C12orf54: variants seen among roughly 807,000 people sequenced by gnomAD.
C12orf54 encodes chromosome 12 open reading frame 54.
C12orf54 carries 24 observed loss-of-function variants against 26.4 expected under a neutral mutation model. That is an observed-to-expected ratio of 0.91 (90% CI 0.66 to 1.28). C12orf54 has a LOEUF of 1.28. Among genes scored for constraint, C12orf54 ranks in the 50% most tolerant of loss-of-function variants. C12orf54 has a pLI of 0.00. For synonymous variants in C12orf54, 54 were observed against 47.0 expected, an observed-to-expected ratio of 1.15 and a Z score of -0.61; for missense variants, 154 against 150.9, an observed-to-expected ratio of 1.02 and a Z score of -0.11.
chr12:48,494,743 T>C, intron 7 of C12orf54, 55 bp from the exon 8 acceptor site: 1 of 1,567,956 alleles, frequency 6.4e-7, no homozygotes, highest in Non-Finnish European at 8.8e-7. Context: ...GGAAGGGAAC[T>C]GAAAGGGTAA....
chr12:48,489,303 G>A, intron 5 of C12orf54: 1 of 431,218 alleles, frequency 2.3e-6, no homozygotes, highest in Non-Finnish European at 4.5e-6. Context: ...AGGTGAGTAT[G>A]TCTGTTAACT....
the C12orf54 span, among the ~76,000 whole-genome samples, chr12:48,463,610 A>AT: frequency 1.3e-5 from 2 of 151,494 alleles, no homozygotes; most frequent in African/African-American, 2.4e-5. Context: ...AGGACACAGT[A>AT]TAAAAAAAAA....
chr12:48,469,648 A>G, the C12orf54 span, among the ~76,000 whole-genome samples: 1 of 152,232 alleles, frequency 6.6e-6, no homozygotes, highest in African/African-American at 2.4e-5. Flanking sequence ...GGAAATTATA[A>G]GAGTATTGAT....
At chr12:48,451,021 A>T in the C12orf54 span, among the ~76,000 whole-genome samples, 69 of 151,828 alleles carry the variant, frequency 4.5e-4, 2 homozygotes, top group African/African-American at 1.4e-3. Flanking sequence ...AAAGATATTT[A>T]AAAAAAAGAG....
the C12orf54 span, among the ~76,000 whole-genome samples, chr12:48,469,233 A>C: frequency 1.3e-5 from 2 of 152,214 alleles, no homozygotes; most frequent in Non-Finnish European, 2.9e-5. Flanking sequence ...GGGGCGCTGC[A>C]GGAGACCAGG....
At chr12:48,442,257 C>A in the C12orf54 span, 1 of 198,912 alleles carries the variant, frequency 5.0e-6, no homozygotes, top group South Asian at 1.1e-4. Context: ...TTGCTTCTGC[C>A]TGTAGTGGAG....
At chr12:48,470,465 T>C in the C12orf54 span, among the ~76,000 whole-genome samples, 4 of 152,010 alleles carry the variant, frequency 2.6e-5, no homozygotes, top group African/African-American at 4.8e-5. Context: ...TGTTTACTTG[T>C]GTGTGTTCTT....
chr12:48,491,772 C>A (rs950277871), intron 6 of C12orf54, among the ~76,000 whole-genome samples: 14 of 152,120 alleles, frequency 9.2e-5, no homozygotes, highest in Non-Finnish European at 1.6e-4. Flanking sequence ...ATATCTGGAA[C>A]TTTTTTCTTC....
At chr12:48,431,318 A>C in the C12orf54 span, among the ~76,000 whole-genome samples, 1 of 152,204 alleles carries the variant, frequency 6.6e-6, no homozygotes, top group African/African-American at 2.4e-5. Flanking sequence ...AAAAGAATGT[A>C]TATTAAAATG....
At chr12:48,464,438 G>T in the C12orf54 span, among the ~76,000 whole-genome samples, 5 of 152,060 alleles carry the variant, frequency 3.3e-5, no homozygotes, top group South Asian at 2.1e-4. Flanking sequence ...ACCAACAAAT[G>T]GAAAAACATT....
chr12:48,482,700 C>T (rs111350778), intron 1 of C12orf54, 124 bp downstream of exon 1: 1 of 152,008 alleles, frequency 6.6e-6, no homozygotes, highest in African/African-American at 2.4e-5. Context: ...GGGCCACTGC[C>T]TATGAGCCCT....
the C12orf54 span, among the ~76,000 whole-genome samples, chr12:48,457,703 G>A: frequency 3.3e-4 from 50 of 152,178 alleles, no homozygotes; most frequent in African/African-American, 4.6e-4. Context: ...CTTCGGCTTC[G>A]GTGCCCAGAA....
the C12orf54 span, among the ~76,000 whole-genome samples, chr12:48,452,303 C>T: frequency 8.5e-3 from 1,295 of 152,164 alleles, 11 homozygotes; most frequent in African/African-American, 0.029. Context: ...TGAAACTGGA[C>T]CCCTTCCTCA....
the C12orf54 span, among the ~76,000 whole-genome samples, chr12:48,471,529 AG>A: frequency 6.6e-6 from 1 of 152,218 alleles, no homozygotes; most frequent in African/African-American, 2.4e-5. Flanking sequence ...GTATGGTGAA[AG>A]GTAAGGGTCT....
chr12:48,479,160 C>T (rs921964728), upstream of C12orf54, among the ~76,000 whole-genome samples: 3 of 152,190 alleles, frequency 2.0e-5, no homozygotes, highest in African/African-American at 7.2e-5. Context: ...GGCACATATG[C>T]ACCATGGAAT....
At chr12:48,486,098 A>T in intron 2 of C12orf54, 80 bp from the exon 3 acceptor site, 1 of 1,339,062 alleles carries the variant, frequency 7.5e-7, no homozygotes, top group South Asian at 1.2e-5. Flanking sequence ...TCCTGCTAGG[A>T]GTGATAGAAT....
chr12:48,495,940 G>A (rs979974574), intron 8 of C12orf54, among the ~76,000 whole-genome samples: 1 of 152,114 alleles, frequency 6.6e-6, no homozygotes, highest in African/African-American at 2.4e-5. Flanking sequence ...CCTCTAGTAC[G>A]ACATAGACAG....
At chr12:48,457,614 C>T in the C12orf54 span, among the ~76,000 whole-genome samples, 5 of 152,170 alleles carry the variant, frequency 3.3e-5, no homozygotes, top group South Asian at 2.1e-4. Context: ...GCTCTAGTCC[C>T]GGGCTTCTCT....
chr12:48,495,237 G>C (rs1937886915), intron 8 of C12orf54, among the ~76,000 whole-genome samples: 1 of 152,142 alleles, frequency 6.6e-6, no homozygotes, highest in East Asian at 1.9e-4. Context: ...TCAAAACAAA[G>C]ATCCAAACAG....
Sources: allele counts gnomAD v4.1 joint callset (sites outside exome capture counted in the v4.1 genomes callset), GRCh38; gene constraint gnomAD v4.1.1; transcripts MANE v1.5; gene names NCBI Gene and HGNC (gene_info 2026-07-23, HGNC 2026-07-21).